Variants in MAN1C1 observed in about 807,000 individuals in gnomAD.
MAN1C1 encodes mannosidase alpha class 1C member 1.
A neutral mutation model predicts 71.5 loss-of-function variants in MAN1C1; 49 were observed. The ratio of observed to expected loss-of-function variants is 0.69; its 90% CI spans 0.54 to 0.87. The LOEUF is 0.87. MAN1C1 is among the 40% of genes least tolerant of loss of function. The probability of loss-of-function intolerance (pLI) is 0.00; values close to 1 mark genes in which losing one functional copy is unlikely to be tolerated. For missense variants in MAN1C1, 743 were observed against 835.0 expected (o/e 0.89, Z 1.36); for synonymous variants, 352 against 343.7 (o/e 1.02, Z -0.27).
intron 2 of MAN1C1, among the ~76,000 whole-genome samples, chr1:25,713,252 A>T (rs1179507977): frequency 6.6e-6 from 1 of 152,104 alleles, no homozygotes; most frequent in Non-Finnish European, 1.5e-5. Flanking sequence ...GGGGTGGGGA[A>T]CAAGGAGATG....
chr1:25,758,055 G>T (rs192870304), intron 5 of MAN1C1, among the ~76,000 whole-genome samples: 1 of 152,250 alleles, frequency 6.6e-6, no homozygotes, highest in Non-Finnish European at 1.5e-5. Flanking sequence ...CCAGGCCGGG[G>T]CCATTTCATG....
chr1:25,728,978 G>A (rs1379817320), intron 2 of MAN1C1, among the ~76,000 whole-genome samples: 1 of 152,246 alleles, frequency 6.6e-6, no homozygotes, highest in Non-Finnish European at 1.5e-5. Context: ...ACCCCAGAAG[G>A]ATTCTGGATC....
intron 2 of MAN1C1, among the ~76,000 whole-genome samples, chr1:25,700,959 C>T (rs1165634168): frequency 6.6e-6 from 1 of 152,258 alleles, no homozygotes; most frequent in Admixed American, 6.5e-5. Context: ...CTGCACAGGG[C>T]TGACTTCGCC....
chr1:25,712,907 A>C (rs1451018509), intron 2 of MAN1C1, among the ~76,000 whole-genome samples: 1 of 152,156 alleles, frequency 6.6e-6, no homozygotes, highest in East Asian at 1.9e-4. Flanking sequence ...TTTACCAGGG[A>C]CTTTCTCAGA....
At chr1:25,733,331 AC>A (rs1177865601) in intron 2 of MAN1C1, among the ~76,000 whole-genome samples, 1 of 151,076 alleles carries the variant, frequency 6.6e-6, no homozygotes, top group Admixed American at 6.6e-5. Context: ...AGCCATCCAG[AC>A]CCCCTTTCTT....
Position 25,778,010 on chromosome 1 carries a change from T to C in MAN1C1, c.1258-95T>C. On this transcript the variant is annotated intron_variant, in intron 8 of 11. Coordinates refer to ENST00000374332, the MANE Select transcript of MAN1C1 (RefSeq NM_020379.4). This position sits in a 1 kb window ranked among gnomAD's most constrained non-coding sequence, Gnocchi z 5.5. ...GAGGGCTTGGCAGAGCTGCCCTTGC[T>C]ACTGTCTCCAAAATGTTCATTTTCC... 1.0e-6 allele frequency: 1 copy of C among 961,358 alleles called. No individual in the cohort carries two copies. Among genetic ancestry groups the C allele is most frequent in the Non-Finnish European group, 1.5e-6 (1 of 653,652 alleles). The allele number at this position is 961,358 out of a possible 1,614,324, so 59.6% of individuals were successfully genotyped here.
Position 25,686,584 on chromosome 1 carries a change from G to C in MAN1C1, c.637+48G>C, listed in dbSNP as rs746762791. 2.6e-6 allele frequency: 4 copies of C among 1,517,668 alleles called. No individual in the cohort carries two copies. In the East Asian group the frequency reaches 9.0e-5, roughly 34 times the overall value. 94.0% of individuals were successfully genotyped at this position (1,517,668 alleles called of 1,614,324 possible). On this transcript the variant is annotated intron_variant, in intron 2 of 11. Transcript: ENST00000374332. The stretch of plus-strand genomic sequence containing the variant: ...GATATTGGGAGGGACCCACCGCCCC[G>C]CCAGTGGCCGAGTGGAATTTTACTT...
At chr1:25,637,904 C>CT (rs869269692) in intron 1 of MAN1C1, among the ~76,000 whole-genome samples, 10 of 45,866 alleles carry the variant, frequency 2.2e-4, no homozygotes, top group Non-Finnish European at 3.0e-4. Context: ...TTTTTCCATC[C>CT]TTTTTTTTTT....
At chr1:25,623,372 G>C (rs2045244429) in intron 1 of MAN1C1, among the ~76,000 whole-genome samples, 1 of 151,966 alleles carries the variant, frequency 6.6e-6, no homozygotes, top group South Asian at 2.1e-4. Context: ...TCTTAACTCT[G>C]TCTTTAGTGT....
At chr1:25,673,098 G>T (rs1248455817) in intron 1 of MAN1C1, among the ~76,000 whole-genome samples, 3 of 152,132 alleles carry the variant, frequency 2.0e-5, no homozygotes, top group Admixed American at 6.6e-5. Flanking sequence ...CAGAAATCCT[G>T]TTGAATAGAT....
chr1:25,683,971 A>G (rs941965765), intron 1 of MAN1C1, among the ~76,000 whole-genome samples: 4 of 152,298 alleles, frequency 2.6e-5, no homozygotes, highest in South Asian at 2.1e-4. Flanking sequence ...TTGGATAACT[A>G]TGAAAACGGG....
At chr1:25,680,799 ATGT>A (rs1188988629) in intron 1 of MAN1C1, among the ~76,000 whole-genome samples, 2 of 152,118 alleles carry the variant, frequency 1.3e-5, no homozygotes, top group Admixed American at 6.5e-5. Flanking sequence ...GTGTGGCTGT[ATGT>A]TGTTATCTTT....
chr1:25,678,708 A>G (rs1334563506), intron 1 of MAN1C1, among the ~76,000 whole-genome samples: 2 of 152,196 alleles, frequency 1.3e-5, no homozygotes, highest in African/African-American at 4.8e-5. Context: ...TATGGGAAGG[A>G]GGTGAAGTAA....
intron 3 of MAN1C1, among the ~76,000 whole-genome samples, chr1:25,747,202 C>A (rs915403282): frequency 1.3e-5 from 2 of 152,366 alleles, no homozygotes; most frequent in South Asian, 4.1e-4. Context: ...TGAGCCCGCC[C>A]TGCACTGGCC....
chr1:25,685,921 T>C (rs2046223393), intron 1 of MAN1C1, among the ~76,000 whole-genome samples: 1 of 152,184 alleles, frequency 6.6e-6, no homozygotes, highest in South Asian at 2.1e-4. Context: ...GGGACAGACC[T>C]AAGGCTTTGG....
chr1:25,767,169 C>T (rs1281386729), intron 7 of MAN1C1, among the ~76,000 whole-genome samples: 1 of 149,176 alleles, frequency 6.7e-6, no homozygotes, highest in African/African-American at 2.5e-5. Flanking sequence ...CACACACACC[C>T]CTACCACCCC....
In MAN1C1 at chr1:25,735,730, A is replaced by G. The variant is rs935526596; in HGVS notation, c.638-10938A>G. ...AGCTAGATCCAAGTCTGCTCTGCAC[A>G]TATCTCATCCTTCCTGGACCAGTGG... On this transcript the variant is annotated intron_variant, in intron 2 of 11. Coordinates refer to ENST00000374332, the MANE Select transcript of MAN1C1 (RefSeq NM_020379.4). The surrounding 1 kb of genome is among the most constrained non-coding windows in gnomAD (Gnocchi z 4.6). Among the ~76,000 whole-genome samples, 11 of 152,160 alleles carry G rather than the reference A, an allele frequency of 7.2e-5. No individual in the cohort carries two copies. Among genetic ancestry groups the G allele is most frequent in the African/African-American group, 2.7e-4 (11 of 41,434 alleles).
intron 2 of MAN1C1, among the ~76,000 whole-genome samples, chr1:25,701,591 AC>A (rs1352840134): frequency 1.3e-5 from 2 of 152,094 alleles, no homozygotes; most frequent in African/African-American, 4.8e-5. Context: ...TATTCAACTT[AC>A]CTTGTGCAGC....
At chr1:25,703,344 G>A (rs1205212223) in intron 2 of MAN1C1, among the ~76,000 whole-genome samples, 1 of 152,216 alleles carries the variant, frequency 6.6e-6, no homozygotes, top group East Asian at 1.9e-4. Flanking sequence ...CGTGAGTGGA[G>A]CCGGCACATC....
Sources: gnomAD v4.1 joint callset for allele counts (sites outside exome capture counted in the v4.1 genomes callset) on GRCh38, gnomAD v4.1.1 for gene constraint, Gnocchi (gnomAD v3.1) non-coding constraint, MANE v1.5 for transcripts, NCBI Gene and HGNC (gene_info 2026-07-23, HGNC 2026-07-21) for gene names.